EML5: variants seen among roughly 807,000 people sequenced by gnomAD.
EML5 encodes the protein echinoderm microtubule-associated protein-like 5.
EML5 carries 120 observed loss-of-function variants against 250.0 expected under a neutral mutation model. That is an observed-to-expected ratio of 0.48 (90% confidence interval 0.41 to 0.56). EML5 has a LOEUF of 0.56. Ranked by LOEUF, EML5 falls within the 20% of genes least tolerant of loss-of-function variation. The pLI is 0.00. For synonymous variants in EML5, 771 were observed against 806.5 expected (o/e 0.96, Z 0.75); for missense variants, 2,006 against 2,437.6 (o/e 0.82, Z 3.73).
intron 41 of EML5, 154 bp downstream of exon 41, chr14:88,618,074 G>T (rs1291547500): frequency 2.2e-6 from 1 of 452,112 alleles, no homozygotes; most frequent in Non-Finnish European, 3.8e-6. Flanking sequence ...AATAAAAAGG[G>T]GTCCCAACAT....
At chr14:88,631,394 T>C (rs2090429875) in intron 33 of EML5, among the ~76,000 whole-genome samples, 1 of 152,168 alleles carries the variant, frequency 6.6e-6, no homozygotes, top group Non-Finnish European at 1.5e-5. Context: ...TTGTATATTT[T>C]TGTAGAGATG....
chr14:88,775,796 CT>C (rs1436883058), intron 1 of EML5, among the ~76,000 whole-genome samples: 1 of 152,184 alleles, frequency 6.6e-6, no homozygotes, highest in Non-Finnish European at 1.5e-5. Context: ...TACAGCAAGC[CT>C]TGGGCAAGAC....
Position 88,792,430 on chromosome 14 carries a change from C to A in EML5, c.74G>T (p.Arg25Leu). The A allele has an allele frequency of 1.3e-6, 2 of 1,547,340 alleles. No homozygotes were observed. Among genetic ancestry groups the A allele is most frequent in the Non-Finnish European group, 1.7e-6 (2 of 1,147,046 alleles). ...GGCCGCAGTGTAGTAGAGGTTGTTG[C>A]GGCACTGGTGGCCCCGGTAGCCGTA... is the stretch of plus-strand genomic sequence containing the variant. ...WVYGYRGHQC[R>L]NNLYYTAAKE... Residue 25 changes from arginine (R) to leucine (L), a missense_variant, in exon 1 of 44, where the codon CGC becomes CTC. Arg to Leu is a moderately radical substitution (Grantham distance 102). Transcript: ENST00000554922. This position sits in a 1 kb window ranked among gnomAD's most constrained non-coding sequence, Gnocchi z 6.9.
chr14:88,628,415 A>T (rs1280358378), intron 33 of EML5, among the ~76,000 whole-genome samples: 2 of 152,024 alleles, frequency 1.3e-5, no homozygotes, highest in Non-Finnish European at 2.9e-5. Flanking sequence ...GCTAATCTTT[A>T]AAAAAATGTG....
intron 41 of EML5, chr14:88,618,019 A>AC (rs2088016691): frequency 2.6e-6 from 1 of 384,552 alleles, no homozygotes; most frequent in Non-Finnish European, 4.6e-6. Context: ...CTTAAAAAAA[A>AC]AACTTGATAA....
intron 2 of EML5, among the ~76,000 whole-genome samples, chr14:88,748,429 A>C (rs1169044658): frequency 6.6e-6 from 1 of 152,164 alleles, no homozygotes; most frequent in African/African-American, 2.4e-5. Context: ...TTAATAGTGA[A>C]ATTATACCAG....
chr14:88,736,369 C>T lies in EML5; in HGVS notation c.1044G>A (p.Ser348=), dbSNP rs370157734. Reference sequence around the variant, plus strand: ...TTAGTTTATAATTTGCTTACCTGACCGAACGATCATCACTTCCAGTCACAG... The same window carrying T: ...TTAGTTTATAATTTGCTTACCTGACTGAACGATCATCACTTCCAGTCACAG... ...PLAVTGSDDR[S]VRIWSLVDHA... Residue 348 remains serine, a synonymous_variant, in exon 7 of 44, where the codon TCG becomes TCA. Coordinates refer to ENST00000554922, the MANE Select transcript of EML5 (RefSeq NM_183387.3). 12 of 1,613,756 alleles carry T rather than the reference C, an allele frequency of 7.4e-6. No homozygotes were observed. The highest frequency in any genetic ancestry group is 2.7e-5 in the African/African-American group (2 of 74,886).
intron 8 of EML5, among the ~76,000 whole-genome samples, chr14:88,719,592 G>A (rs1303486291): frequency 6.6e-6 from 1 of 151,958 alleles, no homozygotes. Context: ...GTAGCTTACT[G>A]TAAGTCAAAG....
chr14:88,661,583 G>T, intron 25 of EML5, 71 bp downstream of exon 25: 1 of 1,335,832 alleles, frequency 7.5e-7, no homozygotes, highest in Admixed American at 2.3e-5. Flanking sequence ...ACAATGAAGT[G>T]CTATGACAGG....
At chr14:88,716,974 A>G (rs1351111840) in intron 8 of EML5, among the ~76,000 whole-genome samples, 1 of 152,170 alleles carries the variant, frequency 6.6e-6, no homozygotes, top group Non-Finnish European at 1.5e-5. Context: ...TATGATCACT[A>G]TGGTTTCTTT....
At chr14:88,688,179 G>T in intron 18 of EML5, 92 bp downstream of exon 18, 1 of 1,281,176 alleles carries the variant, frequency 7.8e-7, no homozygotes. Flanking sequence ...GATAGTCCAG[G>T]CAAGTAGAAA....
In EML5 at chr14:88,681,832, T is replaced by C. The variant is rs942699045; in HGVS notation, c.3124+58A>G. The C allele has an allele frequency of 7.3e-6, 11 of 1,504,652 alleles. No homozygotes were observed. In the South Asian group the frequency reaches 1.4e-4, roughly 19 times the overall value. 93.2% of individuals were successfully genotyped at this position (1,504,652 alleles called of 1,614,324 possible). A position where few individuals can be genotyped will look rare whatever the true frequency, so the allele number is the denominator to read the frequency against. ...GTGCCTAGTTTTGCTTTCTTATATT[T>C]GTAAAGGTTAGAAAACTGTGAGAGC... On this transcript the variant is annotated intron_variant, in intron 21 of 43. Transcript: ENST00000554922.
At chr14:88,644,349 G>T in intron 30 of EML5, 84 bp downstream of exon 30, 1 of 1,276,828 alleles carries the variant, frequency 7.8e-7, no homozygotes, top group South Asian at 1.4e-5. Context: ...TGATTTTCAT[G>T]AAAACTAATG....
intron 1 of EML5, among the ~76,000 whole-genome samples, chr14:88,763,263 CTA>C (rs892450583): frequency 1.3e-5 from 2 of 151,268 alleles, no homozygotes; most frequent in African/African-American, 4.9e-5. Context: ...GCTAGCAAGA[CTA>C]ATAAAGAAGA....
intron 1 of EML5, among the ~76,000 whole-genome samples, chr14:88,764,232 A>G (rs1012932982): frequency 9.2e-5 from 14 of 152,062 alleles, no homozygotes; most frequent in Non-Finnish European, 1.5e-5. Context: ...GTTTGTCTGG[A>G]TTTTGTATTA....
rs941444879 is a variant in EML5, at chr14:88,694,474, T to C, written c.2439-67A>G. 11 of 1,085,624 alleles carry C rather than the reference T, an allele frequency of 1.0e-5. No individual in the cohort carries two copies. The Admixed American group carries it at 2.8e-4, about 27-fold the overall frequency. 67.2% of individuals were successfully genotyped at this position (1,085,624 alleles called of 1,614,324 possible). ...ATTCCTGTATTAATCTCTTGCCTAA[T>C]CCATACCCTATCTTGATTACTCTAT... On this transcript the variant is annotated intron_variant, in intron 16 of 43. Transcript: ENST00000554922.
intron 17 of EML5, among the ~76,000 whole-genome samples, chr14:88,692,402 T>C (rs888265559): frequency 1.3e-5 from 2 of 152,172 alleles, no homozygotes; most frequent in Non-Finnish European, 2.9e-5. Flanking sequence ...ATGGTTGCTC[T>C]GTACTGAATA....
chr14:88,747,161 C>G (rs899902844), intron 2 of EML5, among the ~76,000 whole-genome samples: 4 of 151,978 alleles, frequency 2.6e-5, no homozygotes, highest in African/African-American at 9.7e-5. Context: ...ACTGTAATCC[C>G]AGCACTTTGG....
In EML5 at chr14:88,658,535, C is replaced by A. The variant is rs988957782; in HGVS notation, c.3676-147G>T. 9.1e-5 allele frequency: 60 copies of A among 658,678 alleles called. No homozygotes were observed. The Middle Eastern group carries it at 1.3e-3, about 14-fold the overall frequency. 40.8% of individuals were successfully genotyped at this position (658,678 alleles called of 1,614,324 possible). On this transcript the variant is annotated intron_variant, in intron 25 of 43. Transcript: ENST00000554922. ...AAAATGAGAAAATACTGAAACTCAG[C>A]AGAATAAAAGATACCAATTCCTAAA...
Sources: allele counts gnomAD v4.1 joint callset (sites outside exome capture counted in the v4.1 genomes callset), GRCh38; gene constraint gnomAD v4.1.1; non-coding constraint Gnocchi (gnomAD v3.1); transcripts MANE v1.5; gene names NCBI Gene and HGNC (gene_info 2026-07-23, HGNC 2026-07-21).